TCEA3: variants seen among roughly 807,000 people sequenced by gnomAD.
The protein encoded by TCEA3 is transcription elongation factor A protein 3.
A neutral mutation model predicts 44.0 loss-of-function variants in TCEA3; 36 were observed. That is an observed-to-expected ratio of 0.82 (90% confidence interval 0.63 to 1.08). The LOEUF (loss-of-function observed/expected upper bound fraction) is 1.08. TCEA3 is among the 50% of genes least tolerant of loss of function. TCEA3 has a pLI of 0.00. For synonymous variants in TCEA3, 162 were observed against 159.7 expected (o/e 1.01, Z -0.11); for missense variants, 392 against 441.2 (o/e 0.89, Z 1.00).
At chr1:23,410,529 G>T (rs1028929243) in intron 4 of TCEA3, among the ~76,000 whole-genome samples, 1 of 151,952 alleles carries the variant, frequency 6.6e-6, no homozygotes, top group South Asian at 2.1e-4. Context: ...CCAGCTGGGC[G>T]CAGTGGCTCA....
At chr1:23,408,538 G>T in intron 5 of TCEA3, 126 bp downstream of exon 5, 2 of 937,348 alleles carry the variant, frequency 2.1e-6, no homozygotes, top group Non-Finnish European at 3.2e-6. Context: ...GAATACGGGG[G>T]CAACATAATG....
At chr1:23,397,707 G>C in intron 6 of TCEA3, 85 bp downstream of exon 6, 1 of 1,608,364 alleles carries the variant, frequency 6.2e-7, no homozygotes, top group South Asian at 1.1e-5. Flanking sequence ...TTGGGGTGCT[G>C]AGAAAGACTG....
chr1:23,397,753 A>T (rs1191778340), intron 6 of TCEA3, 39 bp downstream of exon 6: 1 of 1,610,734 alleles, frequency 6.2e-7, no homozygotes. Flanking sequence ...GGGAAAAGGG[A>T]CTCCTTCCCT....
Position 23,424,737 on chromosome 1 carries a change from A to G in TCEA3, c.-104T>C. On this transcript the variant is annotated 5_prime_UTR_variant, in exon 1 of 11. Coordinates refer to ENST00000450454, the MANE Select transcript of TCEA3 (RefSeq NM_003196.3). ...GGGCGCGCAACCCGCGCGGGCCCCA[A>G]ACACACACGACACACACGCCCGGCG... is the stretch of plus-strand genomic sequence containing the variant. 2.5e-6 allele frequency: 2 copies of G among 805,492 alleles called. No individual in the cohort carries two copies. Among genetic ancestry groups the G allele is most frequent in the Non-Finnish European group, 4.0e-6 (2 of 503,758 alleles). The allele number at this position is 805,492 out of a possible 1,614,324, so 49.9% of individuals were successfully genotyped here.
intron 5 of TCEA3, among the ~76,000 whole-genome samples, chr1:23,401,980 A>G (rs1049245316): frequency 3.3e-5 from 5 of 152,158 alleles, no homozygotes; most frequent in Non-Finnish European, 5.9e-5. Context: ...CTTCTATGAA[A>G]CCAGTCCCTG....
At chr1:23,418,998 T>C in intron 2 of TCEA3, 79 bp downstream of exon 2, 5 of 746,550 alleles carry the variant, frequency 6.7e-6, no homozygotes, top group Non-Finnish European at 6.8e-6. Flanking sequence ...AGACTCCACC[T>C]TCCCCCACCA....
At position 23,393,920 on chromosome 1, in the gene TCEA3, C is replaced by CA; in HGVS notation, c.777dup (p.Gly260TrpfsTer19). 1 of 1,613,948 alleles carries CA rather than the reference C, an allele frequency of 6.2e-7. No homozygotes were observed. Among genetic ancestry groups the CA allele is most frequent in the East Asian group, 2.2e-5 (1 of 44,890 alleles). On this transcript the variant is annotated frameshift_variant, in exon 8 of 11. Coordinates refer to ENST00000450454, the MANE Select transcript of TCEA3 (RefSeq NM_003196.3). LOFTEE classifies it high-confidence loss of function. ...GCTATAAGCCCTGCGGAGATGGCCC[C>CA]ACTGAGCACGTTCCGCCGCAGGCCG...
At chr1:23,388,742 C>T (rs1321645295) in intron 8 of TCEA3, among the ~76,000 whole-genome samples, 2 of 152,016 alleles carry the variant, frequency 1.3e-5, no homozygotes, top group African/African-American at 2.4e-5. Flanking sequence ...TGCAGTGGTG[C>T]GATCGTGACT....
intron 1 of TCEA3, among the ~76,000 whole-genome samples, chr1:23,420,530 C>G (rs888300065): frequency 6.6e-6 from 1 of 152,224 alleles, no homozygotes; most frequent in Non-Finnish European, 1.5e-5. Context: ...AGGCGTGAGC[C>G]ACCACACCCA....
intron 4 of TCEA3, among the ~76,000 whole-genome samples, chr1:23,414,993 A>G (rs1639844678): frequency 7.0e-6 from 1 of 143,784 alleles, no homozygotes; most frequent in South Asian, 2.2e-4. Context: ...ACAGGCCTTT[A>G]AAAGAAATCC....
chr1:23,408,891 G>A (rs572096620), intron 4 of TCEA3, among the ~76,000 whole-genome samples, 165 bp from the exon 5 acceptor site: 1 of 152,326 alleles, frequency 6.6e-6, no homozygotes, highest in African/African-American at 2.4e-5. Flanking sequence ...GTGCCGGCTG[G>A]TCATGACCTT....
intron 4 of TCEA3, among the ~76,000 whole-genome samples, chr1:23,415,298 C>T (rs1639858233): frequency 6.6e-6 from 1 of 152,198 alleles, no homozygotes; most frequent in South Asian, 2.1e-4. Flanking sequence ...GCTGGGATTA[C>T]AGGCATGGGC....
At chr1:23,413,986 G>GTATATATATATATATATATATATATA (rs33960365) in intron 4 of TCEA3, among the ~76,000 whole-genome samples, 6 of 141,044 alleles carry the variant, frequency 4.3e-5, no homozygotes, top group African/African-American at 7.8e-5. Context: ...CTAGCAGGAT[G>GTATATATATATATATATATATATATA]TATATATATA....
At chr1:23,383,228 A>C (rs960444539) in intron 10 of TCEA3, among the ~76,000 whole-genome samples, 3 of 150,452 alleles carry the variant, frequency 2.0e-5, no homozygotes, top group African/African-American at 7.3e-5. Context: ...TGCAGTGAGC[A>C]GAGATCACAC....
intron 5 of TCEA3, among the ~76,000 whole-genome samples, chr1:23,400,102 G>C (rs75482439): frequency 0.019 from 2,881 of 152,324 alleles, 97 homozygotes; most frequent in African/African-American, 0.065. Context: ...GAGGGAGTTG[G>C]AGAGAAAGGA....
intron 8 of TCEA3, 58 bp from the exon 9 acceptor site, chr1:23,387,477 A>T: frequency 1.3e-6 from 2 of 1,505,710 alleles, no homozygotes; most frequent in African/African-American, 2.8e-5. Context: ...CCTGCCCTAC[A>T]CCCGGTTTCT....
At chr1:23,393,621 G>A (rs146398676) in intron 8 of TCEA3, among the ~76,000 whole-genome samples, 2 of 152,348 alleles carry the variant, frequency 1.3e-5, no homozygotes, top group Middle Eastern at 3.4e-3. Flanking sequence ...GTAGAATGGG[G>A]ATAATACACC....
chr1:23,387,446 G>A (rs71638886), intron 8 of TCEA3, 27 bp from the exon 9 acceptor site: 1 of 1,567,176 alleles, frequency 6.4e-7, no homozygotes, highest in African/African-American at 1.4e-5. Context: ...CTACCCTTCA[G>A]GGCTGAGGAG....
intron 5 of TCEA3, among the ~76,000 whole-genome samples, chr1:23,402,436 T>A (rs1231778894): frequency 6.6e-6 from 1 of 152,212 alleles, no homozygotes; most frequent in East Asian, 1.9e-4. Context: ...TCTCATGCCA[T>A]GCTCTCCGCA....
Sources: gnomAD v4.1 joint callset for allele counts (sites outside exome capture counted in the v4.1 genomes callset) on GRCh38, gnomAD v4.1.1 for gene constraint, MANE v1.5 for transcripts, NCBI Gene and HGNC (gene_info 2026-07-23, HGNC 2026-07-21) for gene names.